DNAJC5B: variants seen among roughly 807,000 people sequenced by gnomAD.
DNAJC5B encodes dnaJ homolog subfamily C member 5B.
Under a neutral mutation model 24.7 loss-of-function variants are expected in DNAJC5B, and 23 were observed. The observed-to-expected ratio is 0.93, with a 90% CI of 0.67 to 1.32. The LOEUF (loss-of-function observed/expected upper bound fraction) is 1.32. Among genes scored for constraint, DNAJC5B ranks in the 40% most tolerant of loss-of-function variants. The pLI, the probability that DNAJC5B is intolerant of heterozygous loss-of-function variation, is 0.00. For missense variants in DNAJC5B, 238 were observed against 240.8 expected (o/e 0.99, Z 0.08); for synonymous variants, 101 against 90.1 (o/e 1.12, Z -0.68).
chr8:66,082,648 A>G (rs1241596699), intron 5 of DNAJC5B, among the ~76,000 whole-genome samples: 1 of 152,234 alleles, frequency 6.6e-6, no homozygotes, highest in Non-Finnish European at 1.5e-5. Context: ...ATTCTTAACC[A>G]AAAGGAAAAG....
intron 3 of DNAJC5B, among the ~76,000 whole-genome samples, chr8:66,065,693 A>G (rs151232347): frequency 8.5e-5 from 13 of 152,328 alleles, no homozygotes; most frequent in African/African-American, 3.1e-4. Context: ...TGACCACAAG[A>G]GGCAATAACA....
At chr8:66,097,245 T>C (rs1407846953) in intron 5 of DNAJC5B, among the ~76,000 whole-genome samples, 1 of 151,810 alleles carries the variant, frequency 6.6e-6, no homozygotes, top group Non-Finnish European at 1.5e-5. Flanking sequence ...TCTTTTCTTA[T>C]TTGATTTCCT....
At chr8:66,053,631 CTTT>C (rs1349312911) in intron 3 of DNAJC5B, among the ~76,000 whole-genome samples, 3 of 141,118 alleles carry the variant, frequency 2.1e-5, no homozygotes, top group Non-Finnish European at 3.1e-5. Flanking sequence ...CTTCAACTAC[CTTT>C]TTTTTTTTTT....
chr8:66,029,497 G>A (rs1378280314), intron 1 of DNAJC5B, among the ~76,000 whole-genome samples: 1 of 152,146 alleles, frequency 6.6e-6, no homozygotes. Flanking sequence ...GTTATCAGCA[G>A]GGCAGTGATG....
chr8:66,073,485 A>ATGTGTG (rs61131925), intron 3 of DNAJC5B, among the ~76,000 whole-genome samples: 8 of 149,436 alleles, frequency 5.4e-5, no homozygotes, highest in Non-Finnish European at 1.0e-4. Context: ...GCATGTGTTC[A>ATGTGTG]TGTGTGTGTG....
At chr8:66,046,525 A>G (rs1418788591) in intron 2 of DNAJC5B, among the ~76,000 whole-genome samples, 4 of 152,266 alleles carry the variant, frequency 2.6e-5, no homozygotes, top group Non-Finnish European at 5.9e-5. Context: ...AGTGTTATTC[A>G]ATATGACACT....
chr8:66,069,548 G>A (rs1283651322), intron 3 of DNAJC5B, among the ~76,000 whole-genome samples: 2 of 152,174 alleles, frequency 1.3e-5, no homozygotes, highest in African/African-American at 4.8e-5. Flanking sequence ...AACAAGTTCT[G>A]AAATTGAGGC....
chr8:66,073,445 A>C (rs1424335024), intron 3 of DNAJC5B, among the ~76,000 whole-genome samples: 2 of 152,026 alleles, frequency 1.3e-5, no homozygotes, highest in Admixed American at 1.3e-4. Flanking sequence ...ATGCAATTGC[A>C]ATAAAAATCT....
intron 3 of DNAJC5B, chr8:66,057,382 T>G (rs1367630434): frequency 1.3e-5 from 2 of 152,132 alleles, no homozygotes; most frequent in Non-Finnish European, 2.9e-5. Flanking sequence ...ATGTTCCCGA[T>G]CTGAACAACC....
intron 5 of DNAJC5B, 109 bp downstream of exon 5, chr8:66,080,657 A>C: frequency 1.6e-5 from 15 of 918,774 alleles, no homozygotes; most frequent in South Asian, 1.9e-5. Context: ...CCACAACCAA[A>C]TGGGTGGAAC....
chr8:66,028,317 G>A (rs1203237386), intron 1 of DNAJC5B, among the ~76,000 whole-genome samples: 1 of 152,166 alleles, frequency 6.6e-6, no homozygotes, highest in Non-Finnish European at 1.5e-5. Context: ...GGCGTGCAAA[G>A]CAAATAATTC....
At chr8:66,041,921 G>A (rs1310432665) in intron 1 of DNAJC5B, among the ~76,000 whole-genome samples, 1 of 152,116 alleles carries the variant, frequency 6.6e-6, no homozygotes, top group Admixed American at 6.5e-5. Context: ...AAGCACGTAG[G>A]ACCTTTGAAC....
In DNAJC5B at chr8:66,036,487, A is replaced by G. The variant is rs138507908; in HGVS notation, c.-141-7001A>G. ...ACTCTAGTTTCAGAAGAATGCACCA[A>G]GAGGGCGGCGTCCTCTCCAGACATG... is the stretch of plus-strand genomic sequence containing the variant. On this transcript the variant is annotated intron_variant, in intron 1 of 5. Coordinates refer to ENST00000276570, the MANE Select transcript of DNAJC5B (RefSeq NM_033105.6). Among the ~76,000 whole-genome samples, 913 of 152,332 alleles carry G rather than the reference A, an allele frequency of 6.0e-3. 4 individuals carry two copies. Among genetic ancestry groups the G allele is most frequent in the Middle Eastern group, 0.01 (3 of 294 alleles).
intron 3 of DNAJC5B, 134 bp from the exon 4 acceptor site, chr8:66,076,526 C>T (rs997352809): frequency 4.3e-5 from 40 of 926,672 alleles, no homozygotes; most frequent in South Asian, 1.9e-4. Context: ...TGTTAATCAC[C>T]GCTAGTCTGA....
intron 1 of DNAJC5B, among the ~76,000 whole-genome samples, chr8:66,042,769 C>A (rs1377485092): frequency 7.1e-6 from 1 of 140,518 alleles, no homozygotes; most frequent in African/African-American, 2.6e-5. Context: ...TGATGATGGG[C>A]AGCTTCATAA....
intron 3 of DNAJC5B, among the ~76,000 whole-genome samples, chr8:66,070,321 G>T (rs1290838594): frequency 6.6e-6 from 1 of 152,174 alleles, no homozygotes; most frequent in Non-Finnish European, 1.5e-5. Context: ...CATTGTCTCA[G>T]CCCCAAATCT....
At position 66,046,341 on chromosome 8, in the gene DNAJC5B, G is replaced by A. The variant is rs888899763; in HGVS notation, c.-18+2730G>A. Among the ~76,000 whole-genome samples the A allele has an allele frequency of 4.6e-5, 7 of 152,276 alleles. No individual in the cohort carries two copies. The South Asian group carries it at 8.3e-4, about 18-fold the overall frequency. On this transcript the variant is annotated intron_variant, in intron 2 of 5. Coordinates refer to ENST00000276570, the MANE Select transcript of DNAJC5B (RefSeq NM_033105.6). Reference sequence around the variant, plus strand: ...CACCATAGCCCTTAGATCCCACTGCGCCTTCCTGTGGCCCCTCACCGTGGA... The same window carrying A: ...CACCATAGCCCTTAGATCCCACTGCACCTTCCTGTGGCCCCTCACCGTGGA...
intron 2 of DNAJC5B, among the ~76,000 whole-genome samples, chr8:66,046,820 G>A (rs77087819): frequency 0.055 from 8,348 of 152,340 alleles, 341 homozygotes; most frequent in Middle Eastern, 0.099. Context: ...CTGAGATGGC[G>A]GCAGCCAGAG....
intron 4 of DNAJC5B, among the ~76,000 whole-genome samples, chr8:66,077,506 A>G (rs1265841083): frequency 6.6e-6 from 1 of 152,120 alleles, no homozygotes; most frequent in Non-Finnish European, 1.5e-5. Flanking sequence ...TTGGTTTCCT[A>G]GGAATCTCTA....
Sources: allele counts gnomAD v4.1 joint callset (sites outside exome capture counted in the v4.1 genomes callset), GRCh38; gene constraint gnomAD v4.1.1; transcripts MANE v1.5; gene names NCBI Gene and HGNC (gene_info 2026-07-23, HGNC 2026-07-21).